Variants in ZC3H7B observed in about 807,000 individuals in gnomAD.
The protein encoded by ZC3H7B is zinc finger CCCH-type containing 7B.
Under a neutral mutation model 116.0 loss-of-function variants are expected in ZC3H7B, and 35 were observed. The observed-to-expected ratio is 0.30, with a 90% CI of 0.23 to 0.40. ZC3H7B has a LOEUF of 0.40. Ranked by LOEUF, ZC3H7B falls within the 10% of genes least tolerant of loss-of-function variation. The pLI, the probability that ZC3H7B is intolerant of heterozygous loss-of-function variation, is 1.00. For missense variants in ZC3H7B, 1,011 were observed against 1,321.5 expected, an observed-to-expected ratio of 0.77 and a Z score of 3.64; for synonymous variants, 502 against 545.6, an observed-to-expected ratio of 0.92 and a Z score of 1.11.
chr22:41,357,853 T>A lies in ZC3H7B; in HGVS notation c.*424T>A. 1 of 229,554 alleles carries A rather than the reference T, an allele frequency of 4.4e-6. No individual in the cohort carries two copies. The highest frequency in any genetic ancestry group is 8.7e-6 in the Non-Finnish European group (1 of 114,862). The allele number at this position is 229,554 out of a possible 1,614,324, so 14.2% of individuals were successfully genotyped here. ...CCGTCCTCCTCCCACCCCCTCCCCC[T>A]GGGGGCAAATCAGGACACAACAGAG... On this transcript the variant is annotated 3_prime_UTR_variant, in exon 23 of 23. Transcript: ENST00000352645. The surrounding 1 kb of genome is among the most constrained non-coding windows in gnomAD (Gnocchi z 5.4).
chr22:41,303,631 T>C (rs937277577), intron 1 of ZC3H7B, among the ~76,000 whole-genome samples: 2 of 152,262 alleles, frequency 1.3e-5, no homozygotes, highest in Admixed American at 6.5e-5. Context: ...TTAGGCCGAA[T>C]TGTGTGTCTT....
Position 41,302,742 on chromosome 22 carries a change from A to G in ZC3H7B, c.-7+970A>G, listed in dbSNP as rs2035987751. On this transcript the variant is annotated intron_variant, in intron 1 of 22. Transcript: ENST00000352645. This position sits in a 1 kb window ranked among gnomAD's most constrained non-coding sequence, Gnocchi z 5.7. ...TCTTCCCAGGGGGGAAAATAATCAT[A>G]TAAAAACAGCTCACTCTGATAGAAC... Among the ~76,000 whole-genome samples the G allele has an allele frequency of 2.6e-5, 4 of 152,102 alleles. No individual in the cohort carries two copies. The highest frequency in any genetic ancestry group is 1.3e-4 in the Admixed American group (2 of 15,260).
intron 12 of ZC3H7B, 65 bp from the exon 13 acceptor site, chr22:41,343,350 G>T (rs1013626631): frequency 1.9e-6 from 3 of 1,556,028 alleles, no homozygotes; most frequent in African/African-American, 2.7e-5. Context: ...CACCGCATGG[G>T]CCTGCCAGCC....
In ZC3H7B at chr22:41,351,204, T is replaced by C. The variant is rs2036650211; in HGVS notation, c.1949-357T>C. Among the ~76,000 whole-genome samples, 1 of 152,124 alleles carries C rather than the reference T, an allele frequency of 6.6e-6. No individual in the cohort carries two copies. Among genetic ancestry groups the C allele is most frequent in the Non-Finnish European group, 1.5e-5 (1 of 68,000 alleles). ...CAAGCAGGCACTAGGCTTGCAGCCCTGTTGAGGGAGATGGGGGTCAGGGAA... is the reference window on the plus strand; with the variant it reads ...CAAGCAGGCACTAGGCTTGCAGCCCCGTTGAGGGAGATGGGGGTCAGGGAA... On this transcript the variant is annotated intron_variant, in intron 16 of 22. Transcript: ENST00000352645. This position sits in a 1 kb window ranked among gnomAD's most constrained non-coding sequence, Gnocchi z 5.1.
In ZC3H7B at chr22:41,327,312, G is replaced by A. The variant is rs201720517; in HGVS notation, c.392G>A (p.Arg131His). 1.5e-5 allele frequency: 24 copies of A among 1,613,626 alleles called. No individual in the cohort carries two copies. Among genetic ancestry groups the A allele is most frequent in the Admixed American group, 1.2e-4 (7 of 60,030 alleles). The stretch of plus-strand genomic sequence containing the variant: ...GCACGCGCTCTCAATGAACTGGGAC[G>A]CCACAAGGAGGCCTACGAGTGCAGC... ...RKARALNELG[R>H]HKEAYECSSR... The change falls in exon 5 of 23, where the codon CGC becomes CAC. Residue 131 changes from arginine (R) to histidine (H), a missense_variant. Transcript: ENST00000352645. This position sits in a 1 kb window ranked among gnomAD's most constrained non-coding sequence, Gnocchi z 4.5.
At chr22:41,304,205 G>A (rs942845926) in intron 1 of ZC3H7B, among the ~76,000 whole-genome samples, 1 of 151,966 alleles carries the variant, frequency 6.6e-6, no homozygotes, top group African/African-American at 2.4e-5. Context: ...ACCACACCTG[G>A]CTGCTGCAAG....
chr22:41,319,922 T>C (rs2145908667), intron 1 of ZC3H7B, among the ~76,000 whole-genome samples: 1 of 151,736 alleles, frequency 6.6e-6, no homozygotes, highest in South Asian at 2.1e-4. Flanking sequence ...TCCCAGCTAC[T>C]CCAGAGGCTG....
In ZC3H7B at chr22:41,356,324, G is replaced by T. The variant is rs1480809019; in HGVS notation, c.2384-19G>T. ...GGAGAAGCCCCTCAGCAGGTGCCCT[G>T]TCCCTGTCCCCTGCCCAGTCCTGGA... On this transcript the variant is annotated intron_variant, in intron 20 of 22. Transcript: ENST00000352645. 6.2e-7 allele frequency: 1 copy of T among 1,613,900 alleles called. No homozygotes were observed. Among genetic ancestry groups the T allele is most frequent in the East Asian group, 2.2e-5 (1 of 44,880 alleles).
intron 2 of ZC3H7B, among the ~76,000 whole-genome samples, chr22:41,325,094 C>T (rs1264490371): frequency 1.3e-5 from 2 of 152,202 alleles, no homozygotes; most frequent in African/African-American, 4.8e-5. Context: ...TGAGAAAGGG[C>T]TTGGAATGCC....
rs2036631695 is a variant in ZC3H7B at position 41,349,558 on chromosome 22, A to G, written c.1948+257A>G. 1.3e-5 allele frequency among the ~76,000 whole-genome samples: 2 copies of G among 152,092 alleles called. 1 individual carries two copies. The highest frequency in any genetic ancestry group is 4.1e-4 in the South Asian group (2 of 4,832). On this transcript the variant is annotated intron_variant, in intron 16 of 22. Coordinates refer to ENST00000352645, the MANE Select transcript of ZC3H7B (RefSeq NM_017590.6). The surrounding 1 kb of genome is among the most constrained non-coding windows in gnomAD (Gnocchi z 4.9). ...GTTTTTCCCTTCGTAGGCACCGTCC[A>G]GGGAGCACGGAGAGGGGAGAGGAGC... is the stretch of plus-strand genomic sequence containing the variant.
chr22:41,333,277 C>G (rs555743192), intron 7 of ZC3H7B: 1 of 152,322 alleles, frequency 6.6e-6, no homozygotes, highest in South Asian at 2.1e-4. Flanking sequence ...CAGGGACCTC[C>G]CAGCCTGCAA....
chr22:41,329,798 T>A (rs527594160), intron 5 of ZC3H7B, among the ~76,000 whole-genome samples: 8 of 152,300 alleles, frequency 5.3e-5, no homozygotes, highest in African/African-American at 1.9e-4. Flanking sequence ...TCATTTTCCA[T>A]CCCCAAATAA....
At chr22:41,321,033 C>T (rs2036249647) in intron 2 of ZC3H7B, among the ~76,000 whole-genome samples, 1 of 152,166 alleles carries the variant, frequency 6.6e-6, no homozygotes, top group East Asian at 1.9e-4. Context: ...ATCAATGGTC[C>T]CTCTGTTACA....
chr22:41,346,049 C>T lies in ZC3H7B; in HGVS notation c.1506C>T (p.Phe502=). ...QDCKYGDNCT[F]AYHQEEIDVW... ...GTAAGTACGGGGATAACTGCACCTT[C>T]GCCTACCATCAGGAGGAGATCGACG... The change falls in exon 14 of 23, where the codon TTC becomes TTT. Residue 502 remains phenylalanine, a synonymous_variant. Coordinates refer to ENST00000352645, the MANE Select transcript of ZC3H7B (RefSeq NM_017590.6). This position sits in a 1 kb window ranked among gnomAD's most constrained non-coding sequence, Gnocchi z 5.3. 6.2e-7 allele frequency: 1 copy of T among 1,614,122 alleles called. No homozygotes were observed. Among genetic ancestry groups the T allele is most frequent in the Non-Finnish European group, 8.5e-7 (1 of 1,180,016 alleles).
intron 1 of ZC3H7B, among the ~76,000 whole-genome samples, chr22:41,314,147 T>TTTTA (rs926416703): frequency 4.6e-5 from 7 of 151,572 alleles, no homozygotes; most frequent in Non-Finnish European, 5.9e-5. Flanking sequence ...TTAATTTTTA[T>TTTTA]TTTATTTATT....
intron 11 of ZC3H7B, 117 bp downstream of exon 11, chr22:41,341,263 A>C (rs997116491): frequency 1.6e-6 from 2 of 1,239,914 alleles, no homozygotes. Context: ...ACGGCGGGGC[A>C]CTCCCAGAGT....
intron 12 of ZC3H7B, 88 bp downstream of exon 12, chr22:41,342,716 G>T: frequency 4.6e-6 from 6 of 1,297,382 alleles, no homozygotes; most frequent in Non-Finnish European, 6.4e-6. Context: ...GAATCCCAGT[G>T]TCTCAGTTGG....
In ZC3H7B at chr22:41,351,699, A is replaced by G. The variant is rs1274849644; in HGVS notation, c.2034+53A>G. 4 of 1,553,894 alleles carry G rather than the reference A, an allele frequency of 2.6e-6. No individual in the cohort carries two copies. Among genetic ancestry groups the G allele is most frequent in the Non-Finnish European group, 3.5e-6 (4 of 1,138,562 alleles). ...TTCAGATTTTGTGAATTGTCCCCAAATTACAAACAGGAAGGCTCTAATTTT... is the reference window on the plus strand; with the variant it reads ...TTCAGATTTTGTGAATTGTCCCCAAGTTACAAACAGGAAGGCTCTAATTTT... On this transcript the variant is annotated intron_variant, in intron 17 of 22. Transcript: ENST00000352645. The surrounding 1 kb of genome is among the most constrained non-coding windows in gnomAD (Gnocchi z 5.1).
In ZC3H7B at chr22:41,349,223, G is replaced by A. The variant is rs778425732; in HGVS notation, c.1870G>A (p.Gly624Ser). The stretch of plus-strand genomic sequence containing the variant: ...CGTGTGCCGCCATGAGGTGCGCTAC[G>A]GCTGCCTGCGGGAGGACAGCTGCCA... ...FDVCRHEVRY[G>S]CLREDSCHFA... Residue 624 changes from glycine (G) to serine (S), a missense_variant, in exon 16 of 23, where the codon GGC becomes AGC. Physicochemically the swap from Gly to Ser is moderately conservative, Grantham distance 56. Around this residue, in one of 5 missense-constraint regions of ZC3H7B, gnomAD observed 406 missense variants for 590.2 expected, o/e 0.69. Transcript: ENST00000352645. The surrounding 1 kb of genome is among the most constrained non-coding windows in gnomAD (Gnocchi z 4.9). The A allele has an allele frequency of 3.1e-6, 5 of 1,613,628 alleles. No individual in the cohort carries two copies. Among genetic ancestry groups the A allele is most frequent in the Non-Finnish European group, 4.2e-6 (5 of 1,180,002 alleles).
Sources: gnomAD v4.1 joint callset for allele counts (sites outside exome capture counted in the v4.1 genomes callset) on GRCh38, gnomAD v4.1.1 for gene constraint, gnomAD v4.1.1 regional missense constraint, Gnocchi (gnomAD v3.1) non-coding constraint, MANE v1.5 for transcripts, NCBI Gene and HGNC (gene_info 2026-07-23, HGNC 2026-07-21) for gene names.